Variants in CYP27A1 observed in about 807,000 individuals in gnomAD.
CYP27A1 encodes cytochrome P450 family 27 subfamily A member 1.
Under a neutral mutation model 58.2 loss-of-function variants are expected in CYP27A1, and 46 were observed. That is an observed-to-expected ratio of 0.79 (90% CI 0.62 to 1.01). CYP27A1 has a LOEUF of 1.01. CYP27A1 is among the 50% of genes least tolerant of loss of function. The pLI, the probability that CYP27A1 is intolerant of heterozygous loss-of-function variation, is 0.00. For synonymous variants in CYP27A1, 274 were observed against 285.1 expected (o/e 0.96, Z 0.39); for missense variants, 704 against 687.0 (o/e 1.02, Z -0.28).
chr2:218,806,074 C>T (rs997551284), intron 1 of CYP27A1: 2 of 151,960 alleles, frequency 1.3e-5, no homozygotes, highest in Non-Finnish European at 2.9e-5. Context: ...ATTCCAAGAA[C>T]GTGGCAAAAA....
chr2:218,793,859 A>G (rs1943520261), intron 1 of CYP27A1, among the ~76,000 whole-genome samples: 1 of 151,998 alleles, frequency 6.6e-6, no homozygotes, highest in Admixed American at 6.6e-5. Context: ...GATTATAGGT[A>G]TGCGCCACCA....
In CYP27A1 at chr2:218,811,299, C is replaced by T. The variant is rs906996952; in HGVS notation, c.447-923C>T. Reference sequence around the variant, plus strand: ...GACAGTTTGTTGTGTATTCTCCCCTCTTTATCCAGGAGCATGCAAATATAC... The same window carrying T: ...GACAGTTTGTTGTGTATTCTCCCCTTTTTATCCAGGAGCATGCAAATATAC... On this transcript the variant is annotated intron_variant, in intron 2 of 8. Transcript: ENST00000258415. Among the ~76,000 whole-genome samples, 7 of 152,326 alleles carry T rather than the reference C, an allele frequency of 4.6e-5. No individual in the cohort carries two copies. In the South Asian group the frequency reaches 1.2e-3, roughly 27 times the overall value.
At chr2:218,799,821 G>C (rs1245179486) in intron 1 of CYP27A1, among the ~76,000 whole-genome samples, 1 of 151,594 alleles carries the variant, frequency 6.6e-6, no homozygotes, top group African/African-American at 2.4e-5. Flanking sequence ...CCATAACCAT[G>C]GGTATTTCTC....
Position 218,812,751 on chromosome 2 carries a change from T to G in CYP27A1, c.844+2T>G. 6.2e-7 allele frequency: 1 copy of G among 1,614,188 alleles called. No individual in the cohort carries two copies. The highest frequency in any genetic ancestry group is 8.5e-7 in the Non-Finnish European group (1 of 1,180,024). On this transcript the variant is annotated splice_donor_variant, in intron 4 of 8. Transcript: ENST00000258415. LOFTEE classifies it high-confidence loss of function. ...GTTGGAATGCCATCTTTTCCTTTGG[T>G]GAGGACTCCCAGATGGGGCCCAGGG...
At position 218,812,949 on chromosome 2, in the gene CYP27A1, C is replaced by T. The variant is rs202136743; in HGVS notation, c.870C>T (p.Leu290=). The part of the protein sequence containing the change: ...SFGKKLIDEK[L]EDMEAQLQAA... ...GGAAGAAGCTGATTGATGAGAAGCT[C>T]GAAGATATGGAGGCCCAACTGCAGG... Residue 290 remains leucine (L), a synonymous_variant, in exon 5 of 9, where the codon CTC becomes CTT. Transcript: ENST00000258415. 5.1e-5 allele frequency: 83 copies of T among 1,614,174 alleles called. No homozygotes were observed. The highest frequency in any genetic ancestry group is 6.6e-5 in the Non-Finnish European group (78 of 1,180,036).
rs759038711 is a variant in CYP27A1 at position 218,812,580 on chromosome 2, C to T, written c.675C>T (p.Arg225=). 6.2e-7 allele frequency: 1 copy of T among 1,614,236 alleles called. No individual in the cohort carries two copies. Among genetic ancestry groups the T allele is most frequent in the Non-Finnish European group, 8.5e-7 (1 of 1,180,052 alleles). The change falls in exon 4 of 9, where the codon CGC becomes CGT. Residue 225 remains arginine (R), a synonymous_variant. Coordinates refer to ENST00000258415, the MANE Select transcript of CYP27A1 (RefSeq NM_000784.4). ...TTTGCTACATCCTGTTCGAGAAACG[C>T]ATTGGCTGCCTGCAGCGATCCATCC... is the stretch of plus-strand genomic sequence containing the variant. The part of the protein sequence containing the change: ...EAICYILFEK[R]IGCLQRSIPE...
chr2:218,789,010 C>T lies in CYP27A1; in HGVS notation c.255+6573C>T, dbSNP rs536933754. Among the ~76,000 whole-genome samples the T allele has an allele frequency of 3.3e-5, 5 of 152,272 alleles. No homozygotes were observed. The East Asian group carries it at 9.6e-4, about 29-fold the overall frequency. ...AAGCCTCAGAGATGGGAATATGAAA[C>T]TAAGTATTAAGGTGAAATATGTGTG... On this transcript the variant is annotated intron_variant, in intron 1 of 8. Coordinates refer to ENST00000258415, the MANE Select transcript of CYP27A1 (RefSeq NM_000784.4).
At chr2:218,803,451 G>A (rs774114656) in intron 1 of CYP27A1, among the ~76,000 whole-genome samples, 2 of 151,810 alleles carry the variant, frequency 1.3e-5, no homozygotes, top group East Asian at 2.0e-4. Flanking sequence ...TTTTGAGACC[G>A]AGTCTCGTTC....
Position 218,813,060 on chromosome 2 carries a change from C to A in CYP27A1, c.981C>A (p.Gly327=), listed in dbSNP as rs1400093675. ...AGCTCAGTCCTCGGGAGGCCATGGG[C>A]AGCCTGCCTGAGCTGCTCATGGCTG... The part of the protein sequence containing the change: ...SGQLSPREAM[G]SLPELLMAGV... The change falls in exon 5 of 9, where the codon GGC becomes GGA. Residue 327 remains glycine (G), a synonymous_variant. Coordinates refer to ENST00000258415, the MANE Select transcript of CYP27A1 (RefSeq NM_000784.4). 6 of 1,613,950 alleles carry A rather than the reference C, an allele frequency of 3.7e-6. No homozygotes were observed. Among genetic ancestry groups the A allele is most frequent in the Admixed American group, 1.7e-5 (1 of 60,020 alleles).
rs748877283 is a variant in CYP27A1, at chr2:218,812,930, A to G, written c.851A>G (p.Lys284Arg). ...TTCTCTGTTGCTTTCACAGGGAAGA[A>G]GCTGATTGATGAGAAGCTCGAAGAT... is the stretch of plus-strand genomic sequence containing the variant. ...GWNAIFSFGK[K>R]LIDEKLEDME... The change falls in exon 5 of 9, where the codon AAG becomes AGG. Residue 284 changes from lysine (K) to arginine (R), a missense_variant. Lys to Arg is a conservative substitution (Grantham distance 26). Coordinates refer to ENST00000258415, the MANE Select transcript of CYP27A1 (RefSeq NM_000784.4). 4 of 1,614,086 alleles carry G rather than the reference A, an allele frequency of 2.5e-6. No homozygotes were observed. Among genetic ancestry groups the G allele is most frequent in the African/African-American group, 1.3e-5 (1 of 74,926 alleles).
Position 218,796,552 on chromosome 2 carries a change from C to T in CYP27A1, c.256-13025C>T, listed in dbSNP as rs191874200. ...GAGGTTGTAGTGAGCCGAGATCACA[C>T]CACTGCACTCCAGCCTGGGCAACAG... On this transcript the variant is annotated intron_variant, in intron 1 of 8. Coordinates refer to ENST00000258415, the MANE Select transcript of CYP27A1 (RefSeq NM_000784.4). 3.3e-5 allele frequency among the ~76,000 whole-genome samples: 5 copies of T among 152,280 alleles called. No homozygotes were observed. The East Asian group carries it at 7.7e-4, about 23-fold the overall frequency.
rs774331706 is a variant in CYP27A1, at chr2:218,812,535, C to A, written c.647-17C>A. The A allele has an allele frequency of 1.2e-6, 2 of 1,614,044 alleles. No homozygotes were observed. Among genetic ancestry groups the A allele is most frequent in the East Asian group, 2.2e-5 (1 of 44,890 alleles). On this transcript the variant is annotated splice_polypyrimidine_tract_variant and intron_variant, in intron 3 of 8. Transcript: ENST00000258415. ...TCCTGGTTCTGCCTCCTGTGATGGCCTCTGTGCACTACTCAGCTATTTGCT... is the reference window on the plus strand; with the variant it reads ...TCCTGGTTCTGCCTCCTGTGATGGCATCTGTGCACTACTCAGCTATTTGCT...
intron 1 of CYP27A1, among the ~76,000 whole-genome samples, chr2:218,796,918 C>T (rs1943552903): frequency 6.6e-6 from 1 of 152,166 alleles, no homozygotes; most frequent in South Asian, 2.1e-4. Context: ...CAGAAACCTG[C>T]ATTTGAGAAC....
At chr2:218,809,442 CTTTTTTTTTT>C (rs57956133) in intron 1 of CYP27A1, 125 bp from the exon 2 acceptor site, 15 of 370,572 alleles carry the variant, frequency 4.0e-5, no homozygotes, top group East Asian at 3.4e-4. Context: ...ACACAATGCC[CTTTTTTTTTT>C]TTTTTTTTTT....
chr2:218,798,699 A>G (rs189968162), intron 1 of CYP27A1, among the ~76,000 whole-genome samples: 386 of 152,280 alleles, frequency 2.5e-3, no homozygotes, highest in African/African-American at 8.9e-3. Context: ...CCTGGGCAAC[A>G]TGGCGAAACC....
Position 218,809,581 on chromosome 2 carries a change from T to C in CYP27A1, c.260T>C (p.Leu87Pro). ...YALQLHQLQV[L>P]YKAKYGPMWM... ...AGTTTTGATTGAACTCCACAGGTGCTTTACAAGGCCAAGTACGGTCCAATG... is the reference window on the plus strand; with the variant it reads ...AGTTTTGATTGAACTCCACAGGTGCCTTACAAGGCCAAGTACGGTCCAATG... Residue 87 changes from leucine (L) to proline (P), a missense_variant, in exon 2 of 9, where the codon CTT (leucine) becomes CCT (proline). Coordinates refer to ENST00000258415, the MANE Select transcript of CYP27A1 (RefSeq NM_000784.4). 6.2e-7 allele frequency: 1 copy of C among 1,613,512 alleles called. No individual in the cohort carries two copies.
Position 218,814,155 on chromosome 2 carries a change from G to T in CYP27A1, c.1152G>T (p.Pro384=). 1 of 1,614,242 alleles carries T rather than the reference G, an allele frequency of 6.2e-7. No individual in the cohort carries two copies. Among genetic ancestry groups the T allele is most frequent in the Non-Finnish European group, 8.5e-7 (1 of 1,180,058 alleles). The change falls in exon 6 of 9, where the codon CCG becomes CCT. Residue 384 remains proline, a synonymous_variant. Transcript: ENST00000258415. ...AGCACAAGGACTTTGCCCACATGCC[G>T]TTGCTCAAAGCTGTGCTTAAGGAGA... ...VPQHKDFAHM[P]LLKAVLKETL...
At chr2:218,793,760 G>A (rs1943519066) in intron 1 of CYP27A1, among the ~76,000 whole-genome samples, 2 of 149,206 alleles carry the variant, frequency 1.3e-5, no homozygotes, top group Admixed American at 6.7e-5. Flanking sequence ...TTTCACCCAG[G>A]CTGGAGTGCA....
At chr2:218,810,840 G>T (rs692290) in intron 2 of CYP27A1, among the ~76,000 whole-genome samples, 14,776 of 151,998 alleles carry the variant, frequency 0.097, 2,397 homozygotes, top group African/African-American at 0.33. Flanking sequence ...GGTCATTAAA[G>T]AAAAAATATA....
Sources: allele counts gnomAD v4.1 joint callset (sites outside exome capture counted in the v4.1 genomes callset), GRCh38; gene constraint gnomAD v4.1.1; transcripts MANE v1.5; gene names NCBI Gene and HGNC (gene_info 2026-07-23, HGNC 2026-07-21).